Variants in CSMD1 observed in about 807,000 individuals in gnomAD.
CSMD1 encodes the protein CUB and sushi domain-containing protein 1.
In CSMD1, 213 loss-of-function variants were observed where a neutral mutation model predicts 417.5. The ratio of observed to expected loss-of-function variants is 0.51; its 90% confidence interval spans 0.46 to 0.57. The LOEUF is 0.57. CSMD1 is among the 20% of genes least tolerant of loss of function. CSMD1 has a pLI of 0.00. For missense variants in CSMD1, 6,923 were observed against 4,529.7 expected (o/e 1.53, Z -15.17); for synonymous variants, 2,862 against 1,736.8 (o/e 1.65, Z -16.11).
At chr8:4,322,969 A>G (rs2134950) in intron 3 of CSMD1, among the ~76,000 whole-genome samples, 58,735 of 152,136 alleles carry the variant, frequency 0.39, 13,052 homozygotes, top group East Asian at 0.66. Context: ...TGGGTGACAG[A>G]GCGAGACTCC....
At chr8:4,733,377 T>G (rs920639155) in intron 1 of CSMD1, among the ~76,000 whole-genome samples, 1 of 152,178 alleles carries the variant, frequency 6.6e-6, no homozygotes, top group African/African-American at 2.4e-5. Flanking sequence ...TAGCAGGTTA[T>G]AGTGACTCAT....
intron 37 of CSMD1, among the ~76,000 whole-genome samples, chr8:3,162,701 G>C (rs896325946): frequency 1.3e-5 from 2 of 148,708 alleles, no homozygotes; most frequent in African/African-American, 5.0e-5. Context: ...GTGAATCTTG[G>C]AATTCTGTTC....
chr8:3,489,682 T>C (rs1286787869), intron 11 of CSMD1, among the ~76,000 whole-genome samples: 1 of 152,210 alleles, frequency 6.6e-6, no homozygotes, highest in African/African-American at 2.4e-5. Flanking sequence ...TTTTTATTCT[T>C]TTATATTGTG....
chr8:3,748,583 C>G (rs1034868768), intron 6 of CSMD1, among the ~76,000 whole-genome samples: 2 of 152,160 alleles, frequency 1.3e-5, no homozygotes, highest in Non-Finnish European at 2.9e-5. Flanking sequence ...AAAGGAGAGG[C>G]AACCATGCAT....
chr8:3,827,597 G>T (rs1162044969), intron 5 of CSMD1, among the ~76,000 whole-genome samples: 2 of 152,128 alleles, frequency 1.3e-5, no homozygotes, highest in African/African-American at 2.4e-5. Flanking sequence ...TTACATCAAT[G>T]AAATGAACTA....
intron 1 of CSMD1, among the ~76,000 whole-genome samples, chr8:4,712,121 T>C (rs1808343118): frequency 6.6e-6 from 1 of 152,226 alleles, no homozygotes; most frequent in Admixed American, 6.5e-5. Context: ...TCAATGGGAC[T>C]GACCGTGGTT....
At chr8:4,107,421 A>C (rs1801624728) in intron 3 of CSMD1, among the ~76,000 whole-genome samples, 1 of 152,236 alleles carries the variant, frequency 6.6e-6, no homozygotes. Context: ...AAATGTCTTG[A>C]TACACATCAC....
intron 10 of CSMD1, among the ~76,000 whole-genome samples, chr8:3,544,400 C>T (rs576157541): frequency 6.6e-5 from 10 of 152,194 alleles, no homozygotes; most frequent in African/African-American, 1.7e-4. Context: ...ATCCTATATA[C>T]GAACAAGCAT....
At chr8:4,957,891 G>A (rs1411918525) in intron 1 of CSMD1, among the ~76,000 whole-genome samples, 1 of 152,168 alleles carries the variant, frequency 6.6e-6, no homozygotes, top group African/African-American at 2.4e-5. Context: ...AGTGTGGATT[G>A]ATAAAGCTGG....
At chr8:3,103,340 G>A (rs2129013385) in intron 46 of CSMD1, among the ~76,000 whole-genome samples, 1 of 152,086 alleles carries the variant, frequency 6.6e-6, no homozygotes, top group East Asian at 1.9e-4. Context: ...CTTCAGTTTG[G>A]TCCAGGAACA....
At chr8:3,212,054 G>C (rs1797644352) in intron 30 of CSMD1, among the ~76,000 whole-genome samples, 1 of 152,158 alleles carries the variant, frequency 6.6e-6, no homozygotes, top group African/African-American at 2.4e-5. Context: ...TTTGGGGGCT[G>C]TGCAGGCACC....
intron 23 of CSMD1, among the ~76,000 whole-genome samples, chr8:3,333,588 G>A (rs1429079474): frequency 6.6e-6 from 1 of 152,196 alleles, no homozygotes; most frequent in Non-Finnish European, 1.5e-5. Context: ...TATTAGAGCA[G>A]CATAATATGT....
chr8:3,354,623 C>T (rs542808769), intron 21 of CSMD1, among the ~76,000 whole-genome samples: 15 of 151,848 alleles, frequency 9.9e-5, no homozygotes, highest in Non-Finnish European at 1.5e-4. Context: ...CTATTTTTAG[C>T]CCATTCATTA....
chr8:4,807,788 T>A lies in CSMD1; in HGVS notation c.86-170230A>T, dbSNP rs538505059. ...TAAACTATCAGCTCTATATCTGACA[T>A]AGAATAATGGATCCATAGAAGCCAG... is the stretch of plus-strand genomic sequence containing the variant. On this transcript the variant is annotated intron_variant, in intron 1 of 69. Coordinates refer to ENST00000635120, the MANE Select transcript of CSMD1 (RefSeq NM_033225.6). 8.5e-5 allele frequency among the ~76,000 whole-genome samples: 13 copies of A among 152,256 alleles called. No individual in the cohort carries two copies. In the East Asian group the frequency reaches 2.1e-3, roughly 25 times the overall value.
At chr8:4,273,998 C>T (rs999875143) in intron 3 of CSMD1, among the ~76,000 whole-genome samples, 13 of 152,072 alleles carry the variant, frequency 8.5e-5, no homozygotes, top group Admixed American at 3.3e-4. Context: ...GTGATAACCG[C>T]ATGCATTTTT....
intron 3 of CSMD1, among the ~76,000 whole-genome samples, chr8:4,145,674 ACAC>A (rs1209769089): frequency 6.6e-6 from 1 of 151,018 alleles, no homozygotes; most frequent in South Asian, 2.1e-4. Flanking sequence ...CAGCCTCACA[ACAC>A]CACACCTGGC....
chr8:3,972,315 C>T (rs915377491), intron 5 of CSMD1, among the ~76,000 whole-genome samples: 7 of 152,056 alleles, frequency 4.6e-5, no homozygotes, highest in African/African-American at 1.2e-4. Flanking sequence ...GTTAGAAATC[C>T]AGTTTTCCAA....
intron 1 of CSMD1, among the ~76,000 whole-genome samples, chr8:4,755,358 C>T (rs1298727600): frequency 6.6e-6 from 1 of 152,160 alleles, no homozygotes; most frequent in African/African-American, 2.4e-5. Context: ...TTCTGCTTTG[C>T]AATTAGCTAT....
chr8:4,917,182 A>G (rs1806122372), intron 1 of CSMD1, among the ~76,000 whole-genome samples: 1 of 152,182 alleles, frequency 6.6e-6, no homozygotes, highest in Admixed American at 6.5e-5. Context: ...GAAGACAGAG[A>G]GAAGTGGGAG....
Sources: allele counts gnomAD v4.1 joint callset (sites outside exome capture counted in the v4.1 genomes callset), GRCh38; gene constraint gnomAD v4.1.1; transcripts MANE v1.5; gene names NCBI Gene and HGNC (gene_info 2026-07-23, HGNC 2026-07-21).